ACOT4: variants seen among roughly 807,000 people sequenced by gnomAD.
The protein encoded by ACOT4 is peroxisomal succinyl-coenzyme A thioesterase.
ACOT4 carries 18 observed loss-of-function variants against 17.1 expected under a neutral mutation model. The ratio of observed to expected loss-of-function variants is 1.05; its 90% confidence interval spans 0.73 to 1.56. The LOEUF is 1.56. ACOT4 is among the 40% of genes most tolerant of loss of function. ACOT4 has a pLI of 0.00. For missense variants in ACOT4, 574 were observed against 557.2 expected (o/e 1.03, Z -0.30); for synonymous variants, 234 against 236.6 (o/e 0.99, Z 0.10).
At chr14:73,593,548 GT>G (rs1890191564) in intron 1 of ACOT4, among the ~76,000 whole-genome samples, 153 bp from the exon 2 acceptor site, 1 of 151,284 alleles carries the variant, frequency 6.6e-6, no homozygotes, top group Admixed American at 6.6e-5. Flanking sequence ...TCACTACATT[GT>G]CCAGGCTGGT....
rs1890235386 is a variant in ACOT4, at chr14:73,595,637, G to A, written c.1249G>A (p.Ala417Thr). The change falls in exon 3 of 3, where the codon GCT becomes ACT. Residue 417 changes from alanine (A) to threonine (T), a missense_variant. Physicochemically the swap from Ala to Thr is moderately conservative, Grantham distance 58. Coordinates refer to ENST00000326303, the MANE Select transcript of ACOT4 (RefSeq NM_152331.4). ...ACACCTGGGAGGTACCCAGAAAACAGCTGTCCCTAAATTGTAATGCATTTG... is the reference window on the plus strand; with the variant it reads ...ACACCTGGGAGGTACCCAGAAAACAACTGTCCCTAAATTGTAATGCATTTG... ...CKHLGGTQKT[A>T]VPKL 1.3e-6 allele frequency: 2 copies of A among 1,522,804 alleles called. No homozygotes were observed. The highest frequency in any genetic ancestry group is 1.8e-6 in the Non-Finnish European group (2 of 1,136,348). 94.3% of individuals were successfully genotyped at this position (1,522,804 alleles called of 1,614,324 possible).
At chr14:73,594,108 T>G (rs939896150) in intron 2 of ACOT4, among the ~76,000 whole-genome samples, 1 of 152,236 alleles carries the variant, frequency 6.6e-6, no homozygotes, top group African/African-American at 2.4e-5. Flanking sequence ...ACATGAGATT[T>G]TATTTAGTAA....
At position 73,591,940 on chromosome 14, in the gene ACOT4, T is replaced by G; in HGVS notation, c.-20T>G. On this transcript the variant is annotated 5_prime_UTR_variant, in exon 1 of 3. Coordinates refer to ENST00000326303, the MANE Select transcript of ACOT4 (RefSeq NM_152331.4). ...CGGGTCTCGGGCCTCGACCTTTGAA[T>G]TCCCCGCTCCGGCTCCAAGATGTCA... The G allele has an allele frequency of 2.2e-6, 3 of 1,359,992 alleles. No homozygotes were observed. Among genetic ancestry groups the G allele is most frequent in the South Asian group, 1.9e-5 (1 of 52,698 alleles). 84.2% of individuals were successfully genotyped at this position (1,359,992 alleles called of 1,614,324 possible). A position where few individuals can be genotyped will look rare whatever the true frequency, so the allele number is the denominator to read the frequency against.
Position 73,595,752 on chromosome 14 carries a change from T to C in ACOT4, c.*98T>C. ...TGTCTCCTGGATAACATTAAAGCCATGTCTTTGTCATTAATGGTGTATTTT... is the reference window on the plus strand; with the variant it reads ...TGTCTCCTGGATAACATTAAAGCCACGTCTTTGTCATTAATGGTGTATTTT... On this transcript the variant is annotated 3_prime_UTR_variant, in exon 3 of 3. Coordinates refer to ENST00000326303, the MANE Select transcript of ACOT4 (RefSeq NM_152331.4). 1.5e-6 allele frequency: 2 copies of C among 1,356,794 alleles called. No homozygotes were observed. Among genetic ancestry groups the C allele is most frequent in the East Asian group, 2.4e-5 (1 of 42,400 alleles). 84.0% of individuals were successfully genotyped at this position (1,356,794 alleles called of 1,614,324 possible).
At position 73,591,884 on chromosome 14, in the gene ACOT4, G is replaced by C; in HGVS notation, c.-76G>C. ...CACCAGGGGACGCCGGACGCCGTCC[G>C]GACATTCGGCGCGCTTGCCACGATC... is the stretch of plus-strand genomic sequence containing the variant. On this transcript the variant is annotated 5_prime_UTR_variant, in exon 1 of 3. Transcript: ENST00000326303. The C allele has an allele frequency of 7.7e-7, 1 of 1,302,040 alleles. No individual in the cohort carries two copies. Among genetic ancestry groups the C allele is most frequent in the East Asian group, 3.1e-5 (1 of 31,840 alleles). 80.7% of individuals were successfully genotyped at this position (1,302,040 alleles called of 1,614,324 possible). A position where few individuals can be genotyped will look rare whatever the true frequency, so the allele number is the denominator to read the frequency against.
chr14:73,592,129 G>T lies in ACOT4; in HGVS notation c.170G>T (p.Arg57Leu). ...RAHARYCADA[R>L]GELDLERAPA... is the part of the protein sequence containing the mutation. ...CACGCGCGCTACTGCGCCGACGCCCGCGGCGAGCTGGACCTGGAGCGCGCA... is the reference window on the plus strand; with the variant it reads ...CACGCGCGCTACTGCGCCGACGCCCTCGGCGAGCTGGACCTGGAGCGCGCA... Residue 57 changes from arginine to leucine, a missense_variant, in exon 1 of 3, where the codon CGC (arginine) becomes CTC (leucine). Physicochemically the swap from Arg to Leu is moderately radical, Grantham distance 102. Transcript: ENST00000326303. 1.3e-6 allele frequency: 2 copies of T among 1,564,732 alleles called. No homozygotes were observed. Among genetic ancestry groups the T allele is most frequent in the African/African-American group, 1.4e-5 (1 of 70,604 alleles).
Position 73,595,316 on chromosome 14 carries a change from C to G in ACOT4, c.928C>G (p.Pro310Ala), listed in dbSNP as rs1248119494. ...AGGGTACAAGAACCCCAGCATGATT[C>G]CAATAGAGAAGGCCCAGGGGCCCAT... Reference protein sequence around the residue: ...VGGYKNPSMIPIEKAQGPILL... With the variant: ...VGGYKNPSMIAIEKAQGPILL... Residue 310 changes from proline to alanine, a missense_variant, in exon 3 of 3, where the codon CCA (proline) becomes GCA (alanine). By Grantham distance (27) the Pro-to-Ala change is conservative. Coordinates refer to ENST00000326303, the MANE Select transcript of ACOT4 (RefSeq NM_152331.4). 1 of 1,614,070 alleles carries G rather than the reference C, an allele frequency of 6.2e-7. No individual in the cohort carries two copies. The highest frequency in any genetic ancestry group is 8.5e-7 in the Non-Finnish European group (1 of 1,180,048).
rs1458345255 is a variant in ACOT4, at chr14:73,595,701, T to C, written c.*47T>C. 1.3e-6 allele frequency: 2 copies of C among 1,503,508 alleles called. No individual in the cohort carries two copies. Among genetic ancestry groups the C allele is most frequent in the Non-Finnish European group, 1.8e-6 (2 of 1,126,040 alleles). The allele number at this position is 1,503,508 out of a possible 1,614,324, so 93.1% of individuals were successfully genotyped here. On this transcript the variant is annotated 3_prime_UTR_variant, in exon 3 of 3. Transcript: ENST00000326303. ...TGAGAGATTCAAGATCAGATTCTAG[T>C]GTTCAGTAACCCTATGTGAATCAGA...
chr14:73,593,542 T>G (rs181686763), intron 1 of ACOT4, among the ~76,000 whole-genome samples, 160 bp from the exon 2 acceptor site: 1 of 151,342 alleles, frequency 6.6e-6, no homozygotes, highest in African/African-American at 2.4e-5. Context: ...GGGGTCTCAC[T>G]ACATTGTCCA....
chr14:73,592,051 G>A lies in ACOT4; in HGVS notation c.92G>A (p.Arg31Gln). 6.8e-7 allele frequency: 1 copy of A among 1,475,058 alleles called. No individual in the cohort carries two copies. Among genetic ancestry groups the A allele is most frequent in the Non-Finnish European group, 9.0e-7 (1 of 1,115,300 alleles). 91.4% of individuals were successfully genotyped at this position (1,475,058 alleles called of 1,614,324 possible). A position where few individuals can be genotyped will look rare whatever the true frequency, so the allele number is the denominator to read the frequency against. The change falls in exon 1 of 3, where the codon CGG (arginine) becomes CAG (glutamine). Residue 31 changes from arginine to glutamine, a missense_variant. Physicochemically the swap from Arg to Gln is conservative, Grantham distance 43. Coordinates refer to ENST00000326303, the MANE Select transcript of ACOT4 (RefSeq NM_152331.4). The stretch of plus-strand genomic sequence containing the variant: ...GTGCGCGGCCTGGCCCCGGAGCAGC[G>A]GGTTACGCTGCGCGCGTCCCTGCGC... ...IAVRGLAPEQRVTLRASLRDE... is the reference protein window; with the variant it reads ...IAVRGLAPEQQVTLRASLRDE...
chr14:73,594,947 C>T (rs548012419), intron 2 of ACOT4, 102 bp from the exon 3 acceptor site: 34 of 1,415,882 alleles, frequency 2.4e-5, no homozygotes, highest in South Asian at 8.0e-5. Context: ...TCAAGTGATC[C>T]GCCCGCCTCC....
At chr14:73,592,447 C>T in intron 1 of ACOT4, 31 bp downstream of exon 1, 1 of 1,468,380 alleles carries the variant, frequency 6.8e-7, no homozygotes, top group South Asian at 1.4e-5. Context: ...GTGGTGTGAG[C>T]GTCAGTGGCC....
At chr14:73,594,002 T>C in intron 2 of ACOT4, 98 bp downstream of exon 2, 1 of 1,144,576 alleles carries the variant, frequency 8.7e-7, no homozygotes, top group East Asian at 2.4e-5. Context: ...TGTTCCTCTT[T>C]CACAAAGATG....
intron 1 of ACOT4, among the ~76,000 whole-genome samples, 180 bp from the exon 2 acceptor site, chr14:73,593,522 T>C (rs1013209028): frequency 1.3e-5 from 2 of 150,992 alleles, no homozygotes; most frequent in Non-Finnish European, 3.0e-5. Flanking sequence ...AAAAAAAAGA[T>C]TGTAGAGATG....
intron 2 of ACOT4, among the ~76,000 whole-genome samples, chr14:73,594,243 C>G (rs1308846001): frequency 6.6e-6 from 1 of 152,148 alleles, no homozygotes; most frequent in Admixed American, 6.6e-5. Flanking sequence ...CTTGTCCACC[C>G]CTTTCAGAAG....
chr14:73,592,484 AT>A, intron 1 of ACOT4, 68 bp downstream of exon 1: 1 of 1,424,564 alleles, frequency 7.0e-7, no homozygotes, highest in Non-Finnish European at 9.2e-7. Context: ...TCCAGTGCTG[AT>A]TTAGCACTGG....
intron 1 of ACOT4, 96 bp downstream of exon 1, chr14:73,592,512 G>A (rs932323717): frequency 7.4e-7 from 1 of 1,351,958 alleles, no homozygotes; most frequent in Non-Finnish European, 9.7e-7. Context: ...TTTGGAGCAA[G>A]ATCAGAGAAG....
intron 1 of ACOT4, 102 bp downstream of exon 1, chr14:73,592,518 A>G: frequency 1.5e-6 from 2 of 1,330,006 alleles, no homozygotes; most frequent in South Asian, 3.1e-5. Flanking sequence ...GCAAGATCAG[A>G]GAAGCTAACA....
chr14:73,591,970 C>T lies in ACOT4; in HGVS notation c.11C>T (p.Thr4Met), dbSNP rs935902517. The change falls in exon 1 of 3, where the codon ACG becomes ATG. Residue 4 changes from threonine (T) to methionine (M), a missense_variant. By Grantham distance (81) the Thr-to-Met change is moderately conservative (BLOSUM62 -1). Transcript: ENST00000326303. MSA[T>M]LILEPPGRCC... The stretch of plus-strand genomic sequence containing the variant: ...CGCTCCGGCTCCAAGATGTCAGCAA[C>T]GCTGATCCTGGAGCCCCCAGGCCGC... The T allele has an allele frequency of 1.1e-5, 15 of 1,393,770 alleles. No homozygotes were observed. Among genetic ancestry groups the T allele is most frequent in the African/African-American group, 1.5e-5 (1 of 65,470 alleles). 86.3% of individuals were successfully genotyped at this position (1,393,770 alleles called of 1,614,324 possible). A position where few individuals can be genotyped will look rare whatever the true frequency, so the allele number is the denominator to read the frequency against.
Sources: allele counts gnomAD v4.1 joint callset (sites outside exome capture counted in the v4.1 genomes callset), GRCh38; gene constraint gnomAD v4.1.1; transcripts MANE v1.5; gene names NCBI Gene and HGNC (gene_info 2026-07-23, HGNC 2026-07-21).